The following RERE variants were observed in gnomAD, a reference collection of about 807,000 sequenced individuals.
RERE encodes arginine-glutamic acid dipeptide repeats protein.
A neutral mutation model predicts 146.1 loss-of-function variants in RERE; 40 were observed. That is an observed-to-expected ratio of 0.27 (90% CI 0.21 to 0.36). The LOEUF is 0.36. Ranked by LOEUF, RERE falls within the 10% of genes least tolerant of loss-of-function variation. The pLI, the probability that RERE is intolerant of heterozygous loss-of-function variation, is 1.00. For synonymous variants in RERE, 1,003 were observed against 866.0 expected, an observed-to-expected ratio of 1.16 and a Z score of -2.78; for missense variants, 1,933 against 2,138.7, an observed-to-expected ratio of 0.90 and a Z score of 1.90.
Position 8,714,196 on chromosome 1 carries a change from A to G in RERE, c.-144-57755T>C, listed in dbSNP as rs536972637. On this transcript the variant is annotated intron_variant, in intron 1 of 22. Coordinates refer to ENST00000400908, the MANE Select transcript of RERE (RefSeq NM_001042681.2). ...TCTACAATATCTCTAGAGAGGATTG[A>G]ACTACTGCCATTTAACAGATGGGAG... Among the ~76,000 whole-genome samples, 3 of 152,352 alleles carry G rather than the reference A, an allele frequency of 2.0e-5. No individual in the cohort carries two copies. The East Asian group carries it at 5.8e-4, about 29-fold the overall frequency.
intron 1 of RERE, among the ~76,000 whole-genome samples, chr1:8,666,573 T>A (rs1289465936): frequency 6.6e-6 from 1 of 152,224 alleles, no homozygotes; most frequent in African/African-American, 2.4e-5. Context: ...GAAGACGTAA[T>A]GGCTTTTGCT....
intron 12 of RERE, among the ~76,000 whole-genome samples, chr1:8,422,172 C>G (rs1057103076): frequency 6.6e-6 from 1 of 152,208 alleles, no homozygotes; most frequent in Non-Finnish European, 1.5e-5. Flanking sequence ...TTGTAAAGCT[C>G]CATTTAAGCA....
intron 4 of RERE, among the ~76,000 whole-genome samples, chr1:8,575,239 T>A (rs1398034371): frequency 6.6e-6 from 1 of 152,030 alleles, no homozygotes; most frequent in African/African-American, 2.4e-5. Context: ...GAGTAGAAAC[T>A]ACAAAGAAAA....
intron 12 of RERE, among the ~76,000 whole-genome samples, chr1:8,402,930 GCT>G (rs1643313968): frequency 6.6e-6 from 1 of 151,986 alleles, no homozygotes; most frequent in Non-Finnish European, 1.5e-5. Context: ...ATGGAGTCTC[GCT>G]CTGTTTCCCA....
At chr1:8,465,739 A>C (rs1448829514) in intron 11 of RERE, 186 bp downstream of exon 11, 1 of 680,562 alleles carries the variant, frequency 1.5e-6, no homozygotes, top group Non-Finnish European at 2.7e-6. Context: ...GCCTAATCTT[A>C]ATAAAATCAA....
intron 7 of RERE, chr1:8,512,059 C>T (rs558839259): frequency 5.0e-5 from 4 of 80,766 alleles, no homozygotes; most frequent in Admixed American, 1.9e-4. Context: ...CGGAGTCTCG[C>T]TCTGTCGCCC....
chr1:8,806,525 T>A lies in RERE; in HGVS notation c.-145+10635A>T, dbSNP rs1018701090. On this transcript the variant is annotated intron_variant, in intron 1 of 22. Transcript: ENST00000400908. The stretch of plus-strand genomic sequence containing the variant: ...CAGAGGGAGACTCCATCTCAAAAAA[T>A]AATAATAATAATAATAACTTCCTAA... Among the ~76,000 whole-genome samples, 19 of 150,176 alleles carry A rather than the reference T, an allele frequency of 1.3e-4. No individual in the cohort carries two copies. In the South Asian group the frequency reaches 3.7e-3, roughly 30 times the overall value.
At chr1:8,519,599 G>T (rs915689472) in intron 7 of RERE, 1 of 152,068 alleles carries the variant, frequency 6.6e-6, no homozygotes, top group Non-Finnish European at 1.5e-5. Context: ...GAAAGAACTA[G>T]ACATAGTACC....
chr1:8,758,036 AAGAC>A lies in RERE; in HGVS notation c.-145+59120_-145+59123del, dbSNP rs374030823. ...TTAAGTGAAATAAGTCAGACATAGA[AAGAC>A]AGATACTGTATGATCCCACGTATAT... is the stretch of plus-strand genomic sequence containing the variant. On this transcript the variant is annotated intron_variant, in intron 1 of 22. Transcript: ENST00000400908. 1.2e-3 allele frequency among the ~76,000 whole-genome samples: 177 copies of A among 152,310 alleles called. 4 individuals are homozygous for A. The East Asian group carries it at 0.03, about 26-fold the overall frequency.
At chr1:8,813,539 A>T (rs1641852365) in intron 1 of RERE, among the ~76,000 whole-genome samples, 1 of 151,024 alleles carries the variant, frequency 6.6e-6, no homozygotes, top group Admixed American at 6.6e-5. Flanking sequence ...CACCTGGAAC[A>T]TTTCTGTTCA....
chr1:8,747,732 A>C (rs1640449661), intron 1 of RERE, among the ~76,000 whole-genome samples: 2 of 151,972 alleles, frequency 1.3e-5, no homozygotes, highest in Non-Finnish European at 1.5e-5. Flanking sequence ...TCATTATCTC[A>C]TTAATATTAT....
rs182513686 is a variant in RERE at position 8,662,659 on chromosome 1, C to A, written c.-144-6218G>T. 3.3e-3 allele frequency among the ~76,000 whole-genome samples: 500 copies of A among 152,304 alleles called. 1 individual carries two copies. Among genetic ancestry groups the A allele is most frequent in the African/African-American group, 0.011 (473 of 41,560 alleles). ...CTACAATGGGCTGTGATCACCACCA[C>A]TGCACTCCAGCCTAGGGAACAGAGT... On this transcript the variant is annotated intron_variant, in intron 1 of 22. Coordinates refer to ENST00000400908, the MANE Select transcript of RERE (RefSeq NM_001042681.2).
rs564279645 is a variant in RERE, at chr1:8,506,358, A to G, written c.879+2269T>C. 5.9e-5 allele frequency among the ~76,000 whole-genome samples: 9 copies of G among 152,354 alleles called. No individual in the cohort carries two copies. The East Asian group carries it at 1.7e-3, about 29-fold the overall frequency. On this transcript the variant is annotated intron_variant, in intron 8 of 22. Coordinates refer to ENST00000400908, the MANE Select transcript of RERE (RefSeq NM_001042681.2). ...CAGTTATAACCCCAGGTCTGGGATG[A>G]GAAGTATCTTCTATAAACTATGTGA...
intron 7 of RERE, among the ~76,000 whole-genome samples, chr1:8,535,594 C>T (rs778013534): frequency 7.9e-5 from 12 of 152,182 alleles, no homozygotes; most frequent in Non-Finnish European, 1.6e-4. Context: ...ATTCTAACTA[C>T]CACACTAACT....
intron 1 of RERE, among the ~76,000 whole-genome samples, chr1:8,662,594 G>T (rs568804072): frequency 2.0e-4 from 31 of 152,198 alleles, no homozygotes; most frequent in Non-Finnish European, 4.0e-4. Context: ...GGAGGCTGAG[G>T]TGGGAGGTGG....
At chr1:8,566,488 C>T (rs1226911632) in intron 4 of RERE, among the ~76,000 whole-genome samples, 4 of 151,832 alleles carry the variant, frequency 2.6e-5, no homozygotes, top group Non-Finnish European at 4.4e-5. Context: ...GGTGTGGTGG[C>T]GACCGCCTGT....
chr1:8,774,614 A>C (rs1236324627), intron 1 of RERE, among the ~76,000 whole-genome samples: 1 of 151,996 alleles, frequency 6.6e-6, no homozygotes, highest in African/African-American at 2.4e-5. Context: ...TCGGCCTCCC[A>C]AACTGCTGGG....
At chr1:8,759,135 T>A (rs1200172850) in intron 1 of RERE, among the ~76,000 whole-genome samples, 1 of 152,094 alleles carries the variant, frequency 6.6e-6, no homozygotes, top group Non-Finnish European at 1.5e-5. Context: ...AATAAAAAGA[T>A]ACTGTGATTG....
intron 12 of RERE, among the ~76,000 whole-genome samples, chr1:8,410,779 T>C (rs981160830): frequency 1.1e-4 from 16 of 152,134 alleles, no homozygotes; most frequent in African/African-American, 3.9e-4. Context: ...ATCCTCCCAT[T>C]ACTATTTAAT....
Sources: gnomAD v4.1 joint callset for allele counts (sites outside exome capture counted in the v4.1 genomes callset) on GRCh38, gnomAD v4.1.1 for gene constraint, MANE v1.5 for transcripts, NCBI Gene and HGNC (gene_info 2026-07-23, HGNC 2026-07-21) for gene names.